WDR45: variants seen among roughly 807,000 people sequenced by gnomAD.
WDR45 encodes WD repeat domain phosphoinositide-interacting protein 4.
In WDR45, 2 loss-of-function variants were observed where a neutral mutation model predicts 27.3. The ratio of observed to expected loss-of-function variants is 0.07; its 90% CI spans 0.03 to 0.23. WDR45 has a LOEUF of 0.23. Among genes scored for constraint, WDR45 ranks in the 10% least tolerant of loss-of-function variants. The pLI is 1.00. For missense variants in WDR45, 175 were observed against 311.9 expected, an observed-to-expected ratio of 0.56 and a Z score of 3.31; for synonymous variants, 99 against 119.2, an observed-to-expected ratio of 0.83 and a Z score of 1.11.
At chrX:49,096,271 C>T (rs1209291104) in intron 2 of WDR45, among the ~76,000 whole-genome samples, 4 of 111,008 alleles carry the variant, frequency 3.6e-5, no homozygotes, top group Non-Finnish European at 7.5e-5. Context: ...TTTGCTGTCA[C>T]CTAGGCCGCA....
At chrX:49,099,792 AAC>A (rs1438040991) in intron 2 of WDR45, among the ~76,000 whole-genome samples, 4 of 10,826 alleles carry the variant, frequency 3.7e-4, no homozygotes, top group African/African-American at 3.8e-4. Flanking sequence ...AAAAAAAAAA[AAC>A]AAAAAAAAAC....
At chrX:49,082,322 T>G (rs782795634), upstream of WDR45, among the ~76,000 whole-genome samples, 13 of 111,732 alleles carry the variant, frequency 1.2e-4, no homozygotes, top group South Asian at 3.7e-4. Context: ...AACTCATCCT[T>G]TTTAACTGGT....
chrX:49,086,868 C>T (rs1178476010), intron 2 of WDR45, among the ~76,000 whole-genome samples: 1 of 109,200 alleles, frequency 9.2e-6, no homozygotes, highest in Non-Finnish European at 1.9e-5. Context: ...GCTGGGATTA[C>T]AGGCGTGAGC....
upstream of WDR45, among the ~76,000 whole-genome samples, chrX:49,080,782 T>G (rs1557084977): frequency 1.3e-5 from 1 of 78,624 alleles, no homozygotes. Flanking sequence ...AGCTTTTTGA[T>G]AGTAAAAGGT....
intron 4 of WDR45, chrX:49,077,260 C>T (rs2065043251): frequency 4.5e-6 from 1 of 220,527 alleles, no homozygotes; most frequent in Admixed American, 6.3e-5. Context: ...AAACCTATTG[C>T]TTGTGTGACC....
At chrX:49,098,813 C>T (rs1490009305) in intron 2 of WDR45, among the ~76,000 whole-genome samples, 1 of 110,716 alleles carries the variant, frequency 9.0e-6, no homozygotes, top group African/African-American at 3.3e-5. Flanking sequence ...TCTCTACCCC[C>T]CCACCAAAAA....
chrX:49,094,496 AC>A (rs1557087040), intron 2 of WDR45, among the ~76,000 whole-genome samples: 5 of 110,308 alleles, frequency 4.5e-5, no homozygotes, highest in African/African-American at 1.6e-4. Flanking sequence ...TTTTGTAGAG[AC>A]GGGGTTTCCC....
chrX:49,087,384 A>T (rs1557086066), intron 2 of WDR45, among the ~76,000 whole-genome samples: 2 of 111,327 alleles, frequency 1.8e-5, no homozygotes, highest in Non-Finnish European at 3.8e-5. Context: ...TTAGCTGGGT[A>T]TGGTGGCACA....
chrX:49,077,383 G>A (rs1164954638), intron 4 of WDR45: 3 of 420,239 alleles, frequency 7.1e-6, no homozygotes, highest in South Asian at 3.6e-5. Context: ...GTTAATAAAC[G>A]TAAAGTGCTT....
chrX:49,082,943 G>A (rs1451832490), upstream of WDR45, among the ~76,000 whole-genome samples: 1 of 106,776 alleles, frequency 9.4e-6, no homozygotes, highest in Non-Finnish European at 1.9e-5. Flanking sequence ...GCAGTGGGGC[G>A]ATCTCGGTTA....
At chrX:49,088,157 A>G (rs1285772744) in intron 2 of WDR45, among the ~76,000 whole-genome samples, 1 of 111,850 alleles carries the variant, frequency 8.9e-6, no homozygotes, top group African/African-American at 3.2e-5. Context: ...TAATCCCAGC[A>G]CTTTCGGAGG....
At chrX:49,084,408 G>C (rs2065079503), upstream of WDR45, among the ~76,000 whole-genome samples, 2 of 107,591 alleles carry the variant, frequency 1.9e-5, no homozygotes, top group African/African-American at 3.4e-5. Flanking sequence ...AGTTATCATG[G>C]GCTGGGCATG....
chrX:49,096,752 C>T (rs5953262), intron 2 of WDR45, among the ~76,000 whole-genome samples: 5,922 of 111,387 alleles, frequency 0.053, 197 homozygotes, highest in Non-Finnish European at 0.082. Flanking sequence ...CAAGTGATGA[C>T]ATTTTTTATT....
At position 49,075,264 on chromosome X, in the gene WDR45, T is replaced by A. The variant is rs2065029555; in HGVS notation, c.845A>T (p.Lys282Met). The change falls in exon 10 of 11, where the codon AAG becomes ATG. Residue 282 changes from lysine (K) to methionine (M), a missense_variant. Physicochemically the swap from Lys to Met is moderately conservative, Grantham distance 95. Transcript: ENST00000376372. Reference protein sequence around the residue: ...NRRSALARVGKVGPMIGQYVD... With the variant: ...NRRSALARVGMVGPMIGQYVD... ...GTACTGCCCAATCATAGGCCCCACC[T>A]TGCCCACGCGAGCCAGCCTGCAGGC... 1.2e-5 allele frequency: 14 copies of A among 1,211,133 alleles called. No homozygotes were observed. The highest frequency in any genetic ancestry group is 1.7e-5 in the African/African-American group (1 of 57,804).
chrX:49,075,871 G>A lies in WDR45; in HGVS notation c.511C>T (p.Leu171Phe). The A allele has an allele frequency of 8.3e-7, 1 of 1,210,569 alleles. No homozygotes were observed. Among genetic ancestry groups the A allele is most frequent in the Non-Finnish European group, 1.1e-6 (1 of 895,051 alleles). ...FPGHKCGSLQ[L>F]VDLASTKPGT... ...TTGTCCACTGGACGGCTCACCACAAGTTGCAGACTCCCACACTTGTGTCCC... is the reference window on the plus strand; with the variant it reads ...TTGTCCACTGGACGGCTCACCACAAATTGCAGACTCCCACACTTGTGTCCC... The change falls in exon 7 of 11, where the codon CTT (leucine) becomes TTT (phenylalanine). Residue 171 changes from leucine (L) to phenylalanine (F), a missense_variant. Physicochemically the swap from Leu to Phe is conservative, Grantham distance 22. Coordinates refer to ENST00000376372, the MANE Select transcript of WDR45 (RefSeq NM_001029896.2).
intron 2 of WDR45, among the ~76,000 whole-genome samples, chrX:49,086,634 C>T (rs782572858): frequency 1.8e-5 from 2 of 110,852 alleles, no homozygotes; most frequent in South Asian, 3.9e-4. Context: ...TGCTCTGTCG[C>T]CCAGGCTGGA....
At position 49,076,849 on chromosome X, in the gene WDR45, ACTTG is replaced by A. The variant is rs1260980579; in HGVS notation, c.236-103_236-100del. On this transcript the variant is annotated intron_variant, in intron 4 of 10. Transcript: ENST00000376372. ...CCCTGCTTCCCAGGGACCTCAACCT[ACTTG>A]CTTAGCCTTTCAATAAACAACCAGT... 5.9e-6 allele frequency: 4 copies of A among 674,714 alleles called. No individual in the cohort carries two copies. The African/African-American group carries it at 8.7e-5, about 15-fold the overall frequency. The allele number at this position is 674,714 out of a possible 1,213,427, so 55.6% of individuals were successfully genotyped here. A position where few individuals can be genotyped will look rare whatever the true frequency, so the allele number is the denominator to read the frequency against.
intron 1 of WDR45, 80 bp from the exon 2 acceptor site, chrX:49,078,192 A>T: frequency 1.0e-5 from 9 of 894,249 alleles, no homozygotes; most frequent in Non-Finnish European, 1.5e-5. Context: ...TCCTCCTCCT[A>T]CTCTGCTAAC....
At chrX:49,095,403 G>T (rs1388160255) in intron 2 of WDR45, among the ~76,000 whole-genome samples, 1 of 109,097 alleles carries the variant, frequency 9.2e-6, no homozygotes, top group Admixed American at 1.0e-4. Context: ...AACTTTGGGA[G>T]GCCAAGGCGG....
Sources: gnomAD v4.1 joint callset for allele counts (sites outside exome capture counted in the v4.1 genomes callset) on GRCh38, gnomAD v4.1.1 for gene constraint, MANE v1.5 for transcripts, NCBI Gene and HGNC (gene_info 2026-07-23, HGNC 2026-07-21) for gene names.